SPAG16: variants seen among roughly 807,000 people sequenced by gnomAD.
SPAG16 encodes sperm associated antigen 16.
Under a neutral mutation model 80.4 loss-of-function variants are expected in SPAG16, and 86 were observed. That is an observed-to-expected ratio of 1.07 (90% CI 0.90 to 1.28). The LOEUF is 1.28. SPAG16 is among the 50% of genes most tolerant of loss of function. SPAG16 has a pLI of 0.00. For missense variants in SPAG16, 870 were observed against 765.3 expected (o/e 1.14, Z -1.61); for synonymous variants, 294 against 265.9 (o/e 1.11, Z -1.03).
chr2:214,285,707 G>A (rs1365392599), intron 15 of SPAG16, among the ~76,000 whole-genome samples: 1 of 152,048 alleles, frequency 6.6e-6, no homozygotes, highest in Non-Finnish European at 1.5e-5. Flanking sequence ...GGAGGCTGAG[G>A]CAGGAGAATC....
At chr2:214,162,384 C>T (rs1230461613) in intron 15 of SPAG16, among the ~76,000 whole-genome samples, 1 of 152,106 alleles carries the variant, frequency 6.6e-6, no homozygotes. Flanking sequence ...TACAAAACCA[C>T]TGAGATGGGG....
At chr2:214,150,663 C>T (rs773115625) in intron 15 of SPAG16, among the ~76,000 whole-genome samples, 7 of 151,844 alleles carry the variant, frequency 4.6e-5, no homozygotes, top group South Asian at 2.1e-4. Flanking sequence ...TTTTGAACTC[C>T]GAAATTTCAA....
At chr2:213,797,360 C>T (rs1451430367) in intron 10 of SPAG16, among the ~76,000 whole-genome samples, 1 of 152,186 alleles carries the variant, frequency 6.6e-6, no homozygotes, top group Non-Finnish European at 1.5e-5. Context: ...TCACCCAGGG[C>T]AACTTACAAT....
chr2:213,530,770 G>A (rs982566831), intron 10 of SPAG16, among the ~76,000 whole-genome samples: 3 of 151,660 alleles, frequency 2.0e-5, no homozygotes, highest in Non-Finnish European at 2.9e-5. Context: ...TACAATTCCT[G>A]TTAGTTGGAT....
chr2:213,645,097 C>T (rs1319008690), intron 10 of SPAG16, among the ~76,000 whole-genome samples: 1 of 152,196 alleles, frequency 6.6e-6, no homozygotes, highest in Admixed American at 6.5e-5. Flanking sequence ...TCTTCCCTTT[C>T]CAAAGGCAGA....
At chr2:214,090,435 G>C (rs896596570) in intron 13 of SPAG16, among the ~76,000 whole-genome samples, 1 of 151,784 alleles carries the variant, frequency 6.6e-6, no homozygotes, top group African/African-American at 2.4e-5. Flanking sequence ...GCCTCAGAGA[G>C]AGGCACCTTC....
chr2:213,384,029 G>A (rs1391049979), intron 9 of SPAG16, among the ~76,000 whole-genome samples: 1 of 152,184 alleles, frequency 6.6e-6, no homozygotes, highest in East Asian at 1.9e-4. Context: ...ACCATATCAG[G>A]TAGAACAGTT....
intron 10 of SPAG16, among the ~76,000 whole-genome samples, chr2:213,668,416 A>G (rs2063692734): frequency 6.6e-6 from 1 of 152,098 alleles, no homozygotes; most frequent in Admixed American, 6.5e-5. Context: ...GCATACAGCA[A>G]TTATGATTGT....
At chr2:214,133,128 A>AT (rs140455193) in intron 14 of SPAG16, among the ~76,000 whole-genome samples, 208 of 18,702 alleles carry the variant, frequency 0.011, no homozygotes, top group East Asian at 0.067. Context: ...ATAAATAATA[A>AT]TAAAAAAAAA....
At chr2:214,004,082 G>A (rs1421666585) in intron 12 of SPAG16, among the ~76,000 whole-genome samples, 1 of 152,190 alleles carries the variant, frequency 6.6e-6, no homozygotes, top group Non-Finnish European at 1.5e-5. Flanking sequence ...AATTTTTCAA[G>A]CTTCTGCCCA....
At chr2:213,760,966 A>C (rs1220245418) in intron 10 of SPAG16, among the ~76,000 whole-genome samples, 1 of 152,154 alleles carries the variant, frequency 6.6e-6, no homozygotes, top group East Asian at 1.9e-4. Flanking sequence ...TCCTTATGGC[A>C]GGATTTATGG....
intron 10 of SPAG16, among the ~76,000 whole-genome samples, chr2:213,504,721 A>G (rs907814027): frequency 6.6e-6 from 1 of 152,216 alleles, no homozygotes; most frequent in African/African-American, 2.4e-5. Flanking sequence ...TTCTATGAAG[A>G]TGTAAGAAAG....
intron 15 of SPAG16, among the ~76,000 whole-genome samples, chr2:214,198,878 G>A (rs2057925625): frequency 6.6e-6 from 1 of 151,934 alleles, no homozygotes; most frequent in South Asian, 2.1e-4. Flanking sequence ...TTTTTCATAT[G>A]TTTGTTGGCC....
At chr2:213,310,738 A>G (rs2063154122) in intron 4 of SPAG16, among the ~76,000 whole-genome samples, 1 of 151,864 alleles carries the variant, frequency 6.6e-6, no homozygotes, top group Non-Finnish European at 1.5e-5. Context: ...GAAAATTTTA[A>G]TAACTAGTTA....
At chr2:213,368,186 T>G (rs1363119988) in intron 8 of SPAG16, among the ~76,000 whole-genome samples, 2 of 152,156 alleles carry the variant, frequency 1.3e-5, no homozygotes, top group East Asian at 3.8e-4. Context: ...TTTTGGTTAC[T>G]GTAGCCTTGT....
chr2:214,252,553 T>C (rs954427438), intron 15 of SPAG16, among the ~76,000 whole-genome samples: 9 of 152,122 alleles, frequency 5.9e-5, no homozygotes, highest in South Asian at 2.1e-4. Flanking sequence ...TTTTTTGGTT[T>C]TCTGTTCTTG....
intron 10 of SPAG16, among the ~76,000 whole-genome samples, chr2:213,743,268 G>A (rs1451309228): frequency 6.6e-6 from 1 of 152,192 alleles, no homozygotes; most frequent in African/African-American, 2.4e-5. Context: ...TAAAATGTAT[G>A]TTCTGAATAC....
chr2:213,858,947 G>C (rs7577186), intron 10 of SPAG16, among the ~76,000 whole-genome samples: 51,968 of 151,274 alleles, frequency 0.34, 9,320 homozygotes, highest in South Asian at 0.47. Flanking sequence ...TTGGGAGGCC[G>C]AGGTGGGCGG....
At chr2:213,422,105 G>A (rs942993866) in intron 9 of SPAG16, 12 of 679,938 alleles carry the variant, frequency 1.8e-5, no homozygotes, top group African/African-American at 3.5e-5. Flanking sequence ...ACCCAAACAG[G>A]GCTGAAATGA....
Sources: allele counts gnomAD v4.1 joint callset (sites outside exome capture counted in the v4.1 genomes callset), GRCh38; gene constraint gnomAD v4.1.1; transcripts MANE v1.5; gene names NCBI Gene and HGNC (gene_info 2026-07-23, HGNC 2026-07-21).